SMCHD1: variants seen among roughly 807,000 people sequenced by gnomAD.
SMCHD1 encodes structural maintenance of chromosomes flexible hinge domain containing 1.
Under a neutral mutation model 254.7 loss-of-function variants are expected in SMCHD1, and 78 were observed. That is an observed-to-expected ratio of 0.31 (90% CI 0.26 to 0.37). SMCHD1 has a LOEUF of 0.37. Ranked by LOEUF, SMCHD1 falls within the 10% of genes least tolerant of loss-of-function variation. SMCHD1 has a pLI of 1.00. For missense variants in SMCHD1, 1,840 were observed against 2,408.1 expected (o/e 0.76, Z 4.94); for synonymous variants, 766 against 794.9 (o/e 0.96, Z 0.61).
chr18:2,752,461 C>G (rs186541604), intron 33 of SMCHD1, 27 bp from the exon 34 acceptor site: 92 of 1,529,256 alleles, frequency 6.0e-5, no homozygotes, highest in Non-Finnish European at 8.2e-5. Flanking sequence ...TTTCCCCTCT[C>G]CCCTTCTCTC....
In SMCHD1 at chr18:2,678,644, G is replaced by A. The variant is rs183719969; in HGVS notation, c.638+4499G>A. 7.2e-5 allele frequency among the ~76,000 whole-genome samples: 11 copies of A among 151,902 alleles called. No individual in the cohort carries two copies. The East Asian group carries it at 7.8e-4, about 11-fold the overall frequency. On this transcript the variant is annotated intron_variant, in intron 5 of 47. Coordinates refer to ENST00000320876, the MANE Select transcript of SMCHD1 (RefSeq NM_015295.3). ...TGTCTTTTCTAATTATGTAATTACC[G>A]CTACCTTATTTTCTGTTTATTTCTT... is the stretch of plus-strand genomic sequence containing the variant.
intron 22 of SMCHD1, among the ~76,000 whole-genome samples, chr18:2,727,983 C>G (rs2075058830): frequency 6.6e-6 from 1 of 152,024 alleles, no homozygotes; most frequent in Non-Finnish European, 1.5e-5. Flanking sequence ...ATGTTAATTG[C>G]TTATGACATC....
Position 2,718,361 on chromosome 18 carries a change from G to A in SMCHD1, c.2385G>A (p.Val795=), listed in dbSNP as rs780094766. ...LGNYTLKLQV[V]LNESNADTYA... is the part of the protein sequence containing the mutation. ...ATTATACCTTGAAATTACAAGTTGT[G>A]TTGAATGAAAGTAATGCAGACACTT... The change falls in exon 19 of 48, where the codon GTG becomes GTA. Residue 795 remains valine (V), a synonymous_variant. Transcript: ENST00000320876. This position sits in a 1 kb window ranked among gnomAD's most constrained non-coding sequence, Gnocchi z 4.6. The A allele has an allele frequency of 3.7e-6, 6 of 1,612,208 alleles. No individual in the cohort carries two copies. The South Asian group carries it at 4.4e-5, about 12-fold the overall frequency.
Position 2,747,666 on chromosome 18 carries a change from T to A in SMCHD1, c.3927+19T>A. 6.6e-7 allele frequency: 1 copy of A among 1,508,182 alleles called. No homozygotes were observed. Among genetic ancestry groups the A allele is most frequent in the Non-Finnish European group, 8.9e-7 (1 of 1,118,300 alleles). The allele number at this position is 1,508,182 out of a possible 1,614,324, so 93.4% of individuals were successfully genotyped here. A position where few individuals can be genotyped will look rare whatever the true frequency, so the allele number is the denominator to read the frequency against. On this transcript the variant is annotated intron_variant, in intron 30 of 47. Coordinates refer to ENST00000320876, the MANE Select transcript of SMCHD1 (RefSeq NM_015295.3). The stretch of plus-strand genomic sequence containing the variant: ...TTTAAAGGTAAGTTTTAAACTTCCT[T>A]ACATCTTCATTTAAAATTCTGGATT...
chr18:2,731,506 A>G (rs967236756), intron 24 of SMCHD1, among the ~76,000 whole-genome samples: 1 of 152,154 alleles, frequency 6.6e-6, no homozygotes, highest in Non-Finnish European at 1.5e-5. Flanking sequence ...AACCTTGATC[A>G]CTTACCCCAA....
chr18:2,684,097 C>T (rs533659010), intron 5 of SMCHD1, among the ~76,000 whole-genome samples: 4 of 152,096 alleles, frequency 2.6e-5, no homozygotes, highest in African/African-American at 9.6e-5. Flanking sequence ...GAAAGTCAAG[C>T]TCAAACTAGA....
intron 7 of SMCHD1, among the ~76,000 whole-genome samples, chr18:2,689,626 C>T (rs1013561967): frequency 6.6e-6 from 1 of 151,876 alleles, no homozygotes; most frequent in African/African-American, 2.4e-5. Flanking sequence ...TGTAGTGGTG[C>T]TATCACAGTT....
At chr18:2,728,325 T>A (rs542280019) in intron 22 of SMCHD1, 132 bp from the exon 23 acceptor site, 21 of 834,762 alleles carry the variant, frequency 2.5e-5, no homozygotes, top group African/African-American at 1.6e-4. Flanking sequence ...GCATGGACAT[T>A]GCCTATATTT....
intron 34 of SMCHD1, among the ~76,000 whole-genome samples, chr18:2,755,066 TAATTTAGA>T (rs1418752699): frequency 6.6e-6 from 1 of 152,080 alleles, no homozygotes; most frequent in Admixed American, 6.6e-5. Context: ...ATTAATTAAT[TAATTTAGA>T]GACAGGGTCT....
At chr18:2,776,720 C>T (rs2076072341) in intron 42 of SMCHD1, among the ~76,000 whole-genome samples, 1 of 152,058 alleles carries the variant, frequency 6.6e-6, no homozygotes, top group Admixed American at 6.5e-5. Context: ...TAAGAGTCTA[C>T]TATGTCAGTA....
intron 13 of SMCHD1, among the ~76,000 whole-genome samples, chr18:2,704,663 G>A (rs1251174495): frequency 6.7e-6 from 1 of 149,800 alleles, no homozygotes; most frequent in Non-Finnish European, 1.5e-5. Context: ...AGAGCAGATC[G>A]TTAAATACTT....
chr18:2,731,139 G>T (rs1339562315), intron 24 of SMCHD1, among the ~76,000 whole-genome samples: 1 of 152,126 alleles, frequency 6.6e-6, no homozygotes, highest in Non-Finnish European at 1.5e-5. Context: ...AACAGAAGAT[G>T]GTTATGTGCC....
At chr18:2,759,569 C>CACTTTTTT (rs2075748692) in intron 34 of SMCHD1, among the ~76,000 whole-genome samples, 1 of 36,980 alleles carries the variant, frequency 2.7e-5, no homozygotes, top group Non-Finnish European at 4.7e-5. Flanking sequence ...TTTTAATTCT[C>CACTTTTTT]TCTTTTTTTT....
At chr18:2,724,247 T>C (rs1201929059) in intron 20 of SMCHD1, among the ~76,000 whole-genome samples, 1 of 151,352 alleles carries the variant, frequency 6.6e-6, no homozygotes, top group Non-Finnish European at 1.5e-5. Context: ...TCCATCATGG[T>C]ATATTTTTTA....
chr18:2,659,342 T>C (rs1447466663), intron 1 of SMCHD1, among the ~76,000 whole-genome samples: 1 of 152,156 alleles, frequency 6.6e-6, no homozygotes, highest in African/African-American at 2.4e-5. Flanking sequence ...GATCTTGAAC[T>C]CCTGACCTCA....
At chr18:2,662,894 G>A (rs1010399351) in intron 1 of SMCHD1, among the ~76,000 whole-genome samples, 5 of 152,018 alleles carry the variant, frequency 3.3e-5, no homozygotes, top group South Asian at 2.1e-4. Context: ...ACTAAAGTAT[G>A]CCAAATTAAT....
At chr18:2,728,316 C>T in intron 22 of SMCHD1, 141 bp from the exon 23 acceptor site, 1 of 760,108 alleles carries the variant, frequency 1.3e-6, no homozygotes, top group Non-Finnish European at 2.1e-6. Flanking sequence ...ACTGATTAAG[C>T]ATGGACATTG....
At chr18:2,766,559 A>AG in intron 37 of SMCHD1, among the ~76,000 whole-genome samples, 1 of 152,258 alleles carries the variant, frequency 6.6e-6, no homozygotes, top group East Asian at 1.9e-4. Flanking sequence ...ATTTTTAAAA[A>AG]GCAGGTGATT....
intron 38 of SMCHD1, 69 bp downstream of exon 38, chr18:2,769,889 TC>T (rs2143735441): frequency 6.5e-7 from 1 of 1,546,908 alleles, no homozygotes; most frequent in Non-Finnish European, 8.7e-7. Flanking sequence ...TGTTTTGCTT[TC>T]CATTAACTTG....
Sources: allele counts gnomAD v4.1 joint callset (sites outside exome capture counted in the v4.1 genomes callset), GRCh38; gene constraint gnomAD v4.1.1; non-coding constraint Gnocchi (gnomAD v3.1); transcripts MANE v1.5; gene names NCBI Gene and HGNC (gene_info 2026-07-23, HGNC 2026-07-21).